Variants in PCLO observed in about 807,000 individuals in gnomAD.
PCLO encodes protein piccolo.
Under a neutral mutation model 427.5 loss-of-function variants are expected in PCLO, and 82 were observed. That is an observed-to-expected ratio of 0.19 (90% CI 0.16 to 0.23). The LOEUF is 0.23. Ranked by LOEUF, PCLO falls within the 10% of genes least tolerant of loss-of-function variation. The pLI is 1.00. For missense variants in PCLO, 6,239 were observed against 6,115.9 expected, an observed-to-expected ratio of 1.02 and a Z score of -0.67; for synonymous variants, 2,357 against 2,155.4, an observed-to-expected ratio of 1.09 and a Z score of -2.59.
intron 3 of PCLO, among the ~76,000 whole-genome samples, chr7:83,049,888 C>T (rs1416596589): frequency 6.6e-6 from 1 of 151,932 alleles, no homozygotes; most frequent in Non-Finnish European, 1.5e-5. Context: ...TACGATTTAA[C>T]AAAATAAGAT....
rs184047450 is a variant in PCLO, at chr7:82,956,765, A to G, written c.4188T>C (p.Ser1396=). 1.3e-5 allele frequency: 21 copies of G among 1,613,762 alleles called. No individual in the cohort carries two copies. The African/African-American group carries it at 2.7e-4, about 21-fold the overall frequency. Residue 1396 remains serine (S), a synonymous_variant, in exon 5 of 25, where the codon TCT becomes TCC. Transcript: ENST00000333891. ...TGGAAGGGCTGCTTTCTTGTGAAAA[A>G]GAGTCCTTTTTGAGTCCCTTGAGAA... ...KDILKGLKKD[S]FSQESSPSSP...
intron 24 of PCLO, among the ~76,000 whole-genome samples, chr7:82,759,443 C>T (rs2129467488): frequency 6.6e-6 from 1 of 151,994 alleles, no homozygotes; most frequent in African/African-American, 2.4e-5. Flanking sequence ...CTTCTGGTTT[C>T]TGGTTCAGGG....
At chr7:83,025,032 TA>T (rs986842726) in intron 3 of PCLO, among the ~76,000 whole-genome samples, 16 of 152,062 alleles carry the variant, frequency 1.1e-4, no homozygotes, top group African/African-American at 3.9e-4. Context: ...CTGGAAACTC[TA>T]AAAAGTAGAG....
Position 82,965,927 on chromosome 7 carries a change from T to C in PCLO, c.3861A>G (p.Glu1287=), listed in dbSNP as rs191587794. Residue 1287 remains glutamate, a synonymous_variant, in exon 4 of 25, where the codon GAA becomes GAG. Coordinates refer to ENST00000333891, the MANE Select transcript of PCLO (RefSeq NM_033026.6). ...EGRVAPKTVQ[E]GKQPQTKMEG... is the part of the protein sequence containing the mutation. ...CCATCTTGGTCTGTGGTTGTTTCCC[T>C]TCTTGCACTGTCTTTGGAGCCACTC... 1 of 1,614,030 alleles carries C rather than the reference T, an allele frequency of 6.2e-7. No homozygotes were observed. Among genetic ancestry groups the C allele is most frequent in the Non-Finnish European group, 8.5e-7 (1 of 1,179,884 alleles).
At chr7:83,012,827 C>T (rs1788117082) in intron 3 of PCLO, among the ~76,000 whole-genome samples, 2 of 152,064 alleles carry the variant, frequency 1.3e-5, no homozygotes, top group Admixed American at 1.3e-4. Flanking sequence ...AAACTCTAAT[C>T]TGAGATAATA....
chr7:82,918,336 C>T (rs992723716), intron 6 of PCLO, among the ~76,000 whole-genome samples: 4 of 151,866 alleles, frequency 2.6e-5, no homozygotes, highest in Non-Finnish European at 5.9e-5. Context: ...ATGTAAAATA[C>T]TTACTACACA....
chr7:83,020,568 C>A (rs564326499), intron 3 of PCLO, among the ~76,000 whole-genome samples: 1 of 152,236 alleles, frequency 6.6e-6, no homozygotes, highest in African/African-American at 2.4e-5. Flanking sequence ...TGCTCTGCCA[C>A]GTAAGAACAT....
intron 9 of PCLO, among the ~76,000 whole-genome samples, chr7:82,901,827 G>A (rs1436808568): frequency 2.6e-5 from 4 of 152,046 alleles, no homozygotes; most frequent in Admixed American, 6.6e-5. Flanking sequence ...ATGAAAAAAC[G>A]CTCATCATCA....
At chr7:82,847,537 T>C (rs1220548200) in intron 10 of PCLO, among the ~76,000 whole-genome samples, 3 of 152,148 alleles carry the variant, frequency 2.0e-5, no homozygotes, top group Non-Finnish European at 2.9e-5. Flanking sequence ...ATAAAAAACA[T>C]TATTGAATAT....
intron 3 of PCLO, among the ~76,000 whole-genome samples, chr7:83,078,336 T>A (rs994693113): frequency 9.9e-5 from 15 of 152,052 alleles, no homozygotes; most frequent in Non-Finnish European, 1.9e-4. Context: ...AGCTCTTATT[T>A]ATAGTCCCAA....
chr7:82,862,767 G>A (rs1562824244), intron 10 of PCLO, among the ~76,000 whole-genome samples: 1 of 151,748 alleles, frequency 6.6e-6, no homozygotes, highest in Non-Finnish European at 1.5e-5. Context: ...GACAAACATC[G>A]CATGTTCTCG....
intron 3 of PCLO, among the ~76,000 whole-genome samples, chr7:83,006,528 C>A (rs1787950488): frequency 6.6e-6 from 1 of 151,424 alleles, no homozygotes; most frequent in South Asian, 2.1e-4. Flanking sequence ...AGAGATGCTG[C>A]ACAGCAAAAC....
chr7:82,889,237 A>T (rs1793702069), intron 9 of PCLO, among the ~76,000 whole-genome samples: 1 of 152,088 alleles, frequency 6.6e-6, no homozygotes, highest in Non-Finnish European at 1.5e-5. Context: ...TGTGACTAAT[A>T]AGCTGCTGTT....
chr7:83,112,531 A>C (rs1347180421), intron 3 of PCLO, among the ~76,000 whole-genome samples: 2 of 152,204 alleles, frequency 1.3e-5, no homozygotes, highest in Non-Finnish European at 2.9e-5. Context: ...CTCAGACCAC[A>C]GCTGACAAAT....
In PCLO at chr7:82,950,481, T is replaced by G; in HGVS notation, c.10107A>C (p.Gln3369His). The G allele has an allele frequency of 6.2e-7, 1 of 1,613,722 alleles. No individual in the cohort carries two copies. The highest frequency in any genetic ancestry group is 8.5e-7 in the Non-Finnish European group (1 of 1,179,816). Residue 3369 changes from glutamine to histidine, a missense_variant, in exon 6 of 25, where the codon CAA (glutamine) becomes CAC (histidine). This residue lies in a region of PCLO where 4,677 missense variants were observed against 4,468.4 expected (regional missense o/e 1.05). Transcript: ENST00000333891. ...ASAVVAIEIP[Q>H]SQGWYTVQSD... ...ACTGAACGGTGTACCATCCTTGGCT[T>G]TGTGGTATTTCAATTGCCACAACAG...
Position 82,995,371 on chromosome 7 carries a change from C to T in PCLO, c.3301-28884G>A, listed in dbSNP as rs956406955. Among the ~76,000 whole-genome samples the T allele has an allele frequency of 7.9e-5, 12 of 151,950 alleles. No homozygotes were observed. In the South Asian group the frequency reaches 2.1e-3, roughly 26 times the overall value. ...GGCTTTTGCCAGGGTTGGTTAACAG[C>T]GCAAATAAATTGGAAGCCAGGGTGT... On this transcript the variant is annotated intron_variant, in intron 3 of 24. Transcript: ENST00000333891.
intron 13 of PCLO, 109 bp downstream of exon 13, chr7:82,845,162 G>T: frequency 2.6e-6 from 2 of 779,462 alleles, no homozygotes; most frequent in Non-Finnish European, 4.1e-6. Context: ...ATCTGGAAAT[G>T]AGAAATCATA....
chr7:83,089,480 T>C (rs1403705638), intron 3 of PCLO, among the ~76,000 whole-genome samples: 1 of 152,070 alleles, frequency 6.6e-6, no homozygotes, highest in Non-Finnish European at 1.5e-5. Flanking sequence ...ATGAATTCAA[T>C]AAATTTGGTG....
intron 22 of PCLO, among the ~76,000 whole-genome samples, chr7:82,799,383 T>A (rs1048204116): frequency 2.6e-5 from 4 of 152,122 alleles, no homozygotes; most frequent in African/African-American, 7.2e-5. Flanking sequence ...GAGACAAAAA[T>A]AGAAATAGGT....
Sources: gnomAD v4.1 joint callset for allele counts (sites outside exome capture counted in the v4.1 genomes callset) on GRCh38, gnomAD v4.1.1 for gene constraint, gnomAD v4.1.1 regional missense constraint, MANE v1.5 for transcripts, NCBI Gene and HGNC (gene_info 2026-07-23, HGNC 2026-07-21) for gene names.